Variants in COL26A1 observed in about 807,000 individuals in gnomAD.
COL26A1 encodes collagen alpha-1(XXVI) chain.
A neutral mutation model predicts 59.3 loss-of-function variants in COL26A1; 41 were observed. The observed-to-expected ratio is 0.69, with a 90% confidence interval of 0.54 to 0.90. The LOEUF (loss-of-function observed/expected upper bound fraction) is 0.90, where lower values mean the gene tolerates loss of function less well. Ranked by LOEUF, COL26A1 falls within the 40% of genes least tolerant of loss-of-function variation. The pLI, the probability that COL26A1 is intolerant of heterozygous loss-of-function variation, is 0.00. For missense variants in COL26A1, 612 were observed against 602.3 expected (o/e 1.02, Z -0.17); for synonymous variants, 266 against 256.0 (o/e 1.04, Z -0.37).
intron 3 of COL26A1, among the ~76,000 whole-genome samples, chr7:101,482,422 T>C (rs1228102313): frequency 6.6e-6 from 1 of 152,186 alleles, no homozygotes; most frequent in African/African-American, 2.4e-5. Flanking sequence ...ACCAAATTCC[T>C]CCCAAGAAGG....
intron 1 of COL26A1, among the ~76,000 whole-genome samples, chr7:101,365,448 A>G (rs964622510): frequency 6.6e-6 from 1 of 151,710 alleles, no homozygotes; most frequent in Non-Finnish European, 1.5e-5. Context: ...TTTTTTTGAG[A>G]CAGAGTCTCG....
intron 3 of COL26A1, among the ~76,000 whole-genome samples, chr7:101,511,904 A>G (rs978225527): frequency 3.3e-5 from 5 of 151,970 alleles, no homozygotes; most frequent in African/African-American, 1.2e-4. Flanking sequence ...GAGGCGGGAG[A>G]ATTGCTTGAG....
At chr7:101,367,540 C>CA (rs60044128) in intron 1 of COL26A1, among the ~76,000 whole-genome samples, 87,761 of 151,454 alleles carry the variant, frequency 0.58, 26,983 homozygotes, top group African/African-American at 0.8. Context: ...TGGTGCACAC[C>CA]GGTAGTCCCA....
Position 101,540,056 on chromosome 7 carries a change from G to A in COL26A1, c.604+7G>A. On this transcript the variant is annotated splice_region_variant and intron_variant, in intron 5 of 12. Transcript: ENST00000313669. Reference sequence around the variant, plus strand: ...AGGCCCACGGGCCCAGCCGGTGAGTGAGGGCTGCAGAGAGGACAGGCTGGG... The same window carrying A: ...AGGCCCACGGGCCCAGCCGGTGAGTAAGGGCTGCAGAGAGGACAGGCTGGG... 6.2e-7 allele frequency: 1 copy of A among 1,609,588 alleles called. No homozygotes were observed. The highest frequency in any genetic ancestry group is 1.3e-5 in the African/African-American group (1 of 74,964).
At chr7:101,439,300 C>A (rs1792989932) in intron 2 of COL26A1, among the ~76,000 whole-genome samples, 1 of 151,130 alleles carries the variant, frequency 6.6e-6, no homozygotes, top group Middle Eastern at 3.4e-3. Context: ...GAAAGGCTTC[C>A]TGGAGGAGGT....
At chr7:101,394,572 A>ATTTT (rs1562960732) in intron 1 of COL26A1, among the ~76,000 whole-genome samples, 1 of 130,700 alleles carries the variant, frequency 7.7e-6, no homozygotes, top group African/African-American at 2.9e-5. Context: ...ACGCCTAGCT[A>ATTTT]TTTTTTTCTT....
intron 6 of COL26A1, among the ~76,000 whole-genome samples, chr7:101,544,427 AT>A (rs1795686076): frequency 6.6e-6 from 1 of 150,688 alleles, no homozygotes; most frequent in African/African-American, 2.4e-5. Context: ...GGATTTCACC[AT>A]GTTGGTCAGG....
intron 3 of COL26A1, among the ~76,000 whole-genome samples, chr7:101,493,313 T>C (rs1057057370): frequency 7.2e-6 from 1 of 139,492 alleles, no homozygotes; most frequent in Middle Eastern, 3.3e-3. Flanking sequence ...GCCCCAGTAC[T>C]CCACCCTTAC....
At chr7:101,552,784 G>A (rs1795887192) in intron 10 of COL26A1, among the ~76,000 whole-genome samples, 1 of 151,550 alleles carries the variant, frequency 6.6e-6, no homozygotes, top group Admixed American at 6.6e-5. Flanking sequence ...GCGCATGCCT[G>A]TAATCTCAGC....
At chr7:101,432,749 C>T (rs527493762) in intron 2 of COL26A1, among the ~76,000 whole-genome samples, 27 of 152,184 alleles carry the variant, frequency 1.8e-4, no homozygotes, top group African/African-American at 6.0e-4. Flanking sequence ...GTTGCCCAGG[C>T]TGGAGTGCAA....
At position 101,489,707 on chromosome 7, in the gene COL26A1, TTCTTTCATTCTTTCTTTCTCTCTC is replaced by T. The variant is rs1275687896; in HGVS notation, c.385+41927_385+41950del. Reference sequence around the variant, plus strand: ...TTTCTTTCTTTCTTTCTGTCTTTCTTTCTTTCATTCTTTCTTTCTCTCTCTCTTTCTCTCTTTCTTTCTTGTCTC... The same window carrying T: ...TTTCTTTCTTTCTTTCTGTCTTTCTTTCTTTCTCTCTTTCTTTCTTGTCTC... On this transcript the variant is annotated intron_variant, in intron 3 of 12. Transcript: ENST00000313669. 7.1e-4 allele frequency among the ~76,000 whole-genome samples: 74 copies of T among 104,468 alleles called. 12 individuals carry two copies. The highest frequency in any genetic ancestry group is 9.3e-4 in the Non-Finnish European group (52 of 55,772). 68.5% of individuals were successfully genotyped at this position (104,468 alleles called of 152,430 possible). A position where few individuals can be genotyped will look rare whatever the true frequency, so the allele number is the denominator to read the frequency against.
intron 1 of COL26A1, among the ~76,000 whole-genome samples, chr7:101,416,907 A>C (rs1792381073): frequency 8.3e-6 from 1 of 119,878 alleles, no homozygotes. Flanking sequence ...ATGCCTGGCT[A>C]ATTTTTGTAT....
Position 101,465,041 on chromosome 7 carries a change from T to C in COL26A1, c.385+17254T>C, listed in dbSNP as rs1163427697. Among the ~76,000 whole-genome samples, 3 of 150,698 alleles carry C rather than the reference T, an allele frequency of 2.0e-5. No individual in the cohort carries two copies. The East Asian group carries it at 5.8e-4, about 29-fold the overall frequency. ...GCTTCTAATTCTTTCTTTCTTTTTT[T>C]TTTTTTTTTTTGTTGGGACAGAGTC... On this transcript the variant is annotated intron_variant, in intron 3 of 12. Coordinates refer to ENST00000313669, the MANE Select transcript of COL26A1 (RefSeq NM_001278563.3).
At chr7:101,405,614 G>A (rs139517886) in intron 1 of COL26A1, among the ~76,000 whole-genome samples, 90 of 152,196 alleles carry the variant, frequency 5.9e-4, no homozygotes, top group Non-Finnish European at 9.4e-4. Flanking sequence ...CTCCCTGAAT[G>A]CTGATCTTTT....
chr7:101,401,659 GGAAGAGGAGGAA>G (rs1486843045), intron 1 of COL26A1, among the ~76,000 whole-genome samples: 1 of 53,986 alleles, frequency 1.9e-5, no homozygotes, highest in African/African-American at 3.5e-5. Flanking sequence ...AGGTGGAGGA[GGAAGAGGAGGAA>G]GAAGATGTTG....
chr7:101,485,481 A>G (rs764845225), intron 3 of COL26A1, among the ~76,000 whole-genome samples: 2 of 152,170 alleles, frequency 1.3e-5, no homozygotes, highest in Non-Finnish European at 2.9e-5. Flanking sequence ...CCTGGGACAC[A>G]CGCTTGTGAG....
chr7:101,391,228 C>T (rs576196855), intron 1 of COL26A1, among the ~76,000 whole-genome samples: 62 of 152,344 alleles, frequency 4.1e-4, no homozygotes, highest in African/African-American at 1.5e-3. Flanking sequence ...TTTATTCACA[C>T]ATGACTGTGC....
At chr7:101,363,534 G>A (rs1323714697) in intron 1 of COL26A1, among the ~76,000 whole-genome samples, 1 of 140,662 alleles carries the variant, frequency 7.1e-6, no homozygotes, top group South Asian at 2.4e-4. Flanking sequence ...GGGCTGGGGC[G>A]CGGGGCGGCG....
intron 2 of COL26A1, among the ~76,000 whole-genome samples, chr7:101,436,206 G>C (rs751076223): frequency 6.6e-6 from 1 of 152,158 alleles, no homozygotes; most frequent in Non-Finnish European, 1.5e-5. Flanking sequence ...TGTCCATTCC[G>C]TCTGGCTCTC....
Sources: gnomAD v4.1 joint callset for allele counts (sites outside exome capture counted in the v4.1 genomes callset) on GRCh38, gnomAD v4.1.1 for gene constraint, MANE v1.5 for transcripts, NCBI Gene and HGNC (gene_info 2026-07-23, HGNC 2026-07-21) for gene names.